Variants in TRIP11 observed in about 807,000 individuals in gnomAD.
The protein encoded by TRIP11 is thyroid hormone receptor interactor 11, also known as thyroid receptor-interacting protein 11.
A neutral mutation model predicts 223.1 loss-of-function variants in TRIP11; 148 were observed. That is an observed-to-expected ratio of 0.66 (90% CI 0.58 to 0.76). The LOEUF (loss-of-function observed/expected upper bound fraction) is 0.76, where lower values mean the gene tolerates loss of function less well. TRIP11 is among the 30% of genes least tolerant of loss of function. The probability of loss-of-function intolerance (pLI) is 0.00; values close to 1 mark genes in which losing one functional copy is unlikely to be tolerated. For synonymous variants in TRIP11, 762 were observed against 772.6 expected, an observed-to-expected ratio of 0.99 and a Z score of 0.23; for missense variants, 2,043 against 2,222.0, an observed-to-expected ratio of 0.92 and a Z score of 1.62.
At position 91,966,094 on chromosome 14, in the gene TRIP11, C is replaced by A. The variant is rs967217294; in HGVS notation, c.*3579G>T. The A allele has an allele frequency of 3.5e-5, 6 of 173,332 alleles. No individual in the cohort carries two copies. The highest frequency in any genetic ancestry group is 2.3e-3 in the Middle Eastern group (1 of 432). 10.7% of individuals were successfully genotyped at this position (173,332 alleles called of 1,614,324 possible). A position where few individuals can be genotyped will look rare whatever the true frequency, so the allele number is the denominator to read the frequency against. On this transcript the variant is annotated 3_prime_UTR_variant, in exon 21 of 21. Transcript: ENST00000267622. The stretch of plus-strand genomic sequence containing the variant: ...TGCCTTGCAGTGCTCCTGAGAAATT[C>A]AAAAATGCATTAACTTTAGCTCTAT...
chr14:92,038,471 C>T (rs1415711295), intron 1 of TRIP11, among the ~76,000 whole-genome samples: 4 of 152,108 alleles, frequency 2.6e-5, no homozygotes, highest in South Asian at 4.1e-4. Context: ...GCATGGGGAA[C>T]GTAAAGCGGT....
At position 92,015,791 on chromosome 14, in the gene TRIP11, T is replaced by A. The variant is rs778576488; in HGVS notation, c.728A>T (p.His243Leu). 1.9e-6 allele frequency: 3 copies of A among 1,613,634 alleles called. No homozygotes were observed. The East Asian group carries it at 6.7e-5, about 36-fold the overall frequency. Residue 243 changes from histidine (H) to leucine (L), a missense_variant, in exon 6 of 21, where the codon CAC becomes CTC. Coordinates refer to ENST00000267622, the MANE Select transcript of TRIP11 (RefSeq NM_004239.4). ...QHEMSVLQNA[H>L]QQKLTEISRR... ...ACTTATTTCTGTCAATTTCTGTTGG[T>A]GTGCATTCTGCAGTACTGACATTTC... is the stretch of plus-strand genomic sequence containing the variant.
intron 16 of TRIP11, chr14:91,977,372 T>C (rs2056479142): frequency 3.3e-6 from 1 of 304,894 alleles, no homozygotes; most frequent in Admixed American, 4.4e-5. Flanking sequence ...AAGCGTTTTA[T>C]AGTTTTAATT....
At chr14:92,035,617 G>A (rs565022686) in intron 1 of TRIP11, among the ~76,000 whole-genome samples, 6 of 146,136 alleles carry the variant, frequency 4.1e-5, no homozygotes, top group South Asian at 4.3e-4. Flanking sequence ...TCGCTCTGTC[G>A]CCCAGGCTGG....
At chr14:92,028,751 A>C (rs2057221592) in intron 2 of TRIP11, among the ~76,000 whole-genome samples, 1 of 152,024 alleles carries the variant, frequency 6.6e-6, no homozygotes, top group Admixed American at 6.6e-5. Context: ...AGAGAGACAG[A>C]CTCCTGATGG....
In TRIP11 at chr14:92,039,596, T is replaced by C. The variant is rs201201079; in HGVS notation, c.90A>G (p.Ile30Met). 6.2e-6 allele frequency: 10 copies of C among 1,613,846 alleles called. No individual in the cohort carries two copies. In the South Asian group the frequency reaches 9.9e-5, roughly 16 times the overall value. Residue 30 changes from isoleucine to methionine, a missense_variant, in exon 1 of 21, where the codon ATA becomes ATG. Ile to Met is a conservative substitution (Grantham distance 10). Coordinates refer to ENST00000267622, the MANE Select transcript of TRIP11 (RefSeq NM_004239.4). Reference protein sequence around the residue: ...GGSLASLTGQISNFTKDMLME... With the variant: ...GGSLASLTGQMSNFTKDMLME... The stretch of plus-strand genomic sequence containing the variant: ...TCAGCATATCCTTTGTAAAGTTTGA[T>C]ATCTGGCCAGTGAGGGAAGCCAGGC...
rs2056415632 is a variant in TRIP11, at chr14:91,972,804, G to A, written c.5632C>T (p.Pro1878Ser). Reference sequence around the variant, plus strand: ...ATATCATGAACAGAAAGCTTTGGTGGTGGAATGGATGGATGAGATTCTGTT... The same window carrying A: ...ATATCATGAACAGAAAGCTTTGGTGATGGAATGGATGGATGAGATTCTGTT... Reference protein sequence around the residue: ...LETESHPSIPPPKLSVHDMKP... With the variant: ...LETESHPSIPSPKLSVHDMKP... Residue 1878 changes from proline (P) to serine (S), a missense_variant, in exon 20 of 21, where the codon CCA becomes TCA. Physicochemically the swap from Pro to Ser is moderately conservative, Grantham distance 74. Coordinates refer to ENST00000267622, the MANE Select transcript of TRIP11 (RefSeq NM_004239.4). 6.2e-7 allele frequency: 1 copy of A among 1,613,188 alleles called. No individual in the cohort carries two copies. The highest frequency in any genetic ancestry group is 8.5e-7 in the Non-Finnish European group (1 of 1,179,570).
At chr14:91,993,677 C>T (rs2056710388) in intron 15 of TRIP11, 132 bp downstream of exon 15, 1 of 722,050 alleles carries the variant, frequency 1.4e-6, no homozygotes, top group South Asian at 1.7e-5. Flanking sequence ...TGTCAGGCTA[C>T]AGCAGAGGGC....
chr14:92,006,311 T>G lies in TRIP11; in HGVS notation c.1665A>C (p.Lys555Asn). Residue 555 changes from lysine (K) to asparagine (N), a missense_variant, in exon 11 of 21, where the codon AAA (lysine) becomes AAC (asparagine). Physicochemically the swap from Lys to Asn is moderately conservative, Grantham distance 94 (BLOSUM62 0). Coordinates refer to ENST00000267622, the MANE Select transcript of TRIP11 (RefSeq NM_004239.4). ...QLEDDKMDIT[K>N]ELDVQKEKLI... ...GCTTTTCTTTCTGTACATCTAACTCTTTAGTAATGTCCATTTTATCATCTT... is the reference window on the plus strand; with the variant it reads ...GCTTTTCTTTCTGTACATCTAACTCGTTAGTAATGTCCATTTTATCATCTT... The G allele has an allele frequency of 6.2e-7, 1 of 1,610,832 alleles. No individual in the cohort carries two copies. The highest frequency in any genetic ancestry group is 8.5e-7 in the Non-Finnish European group (1 of 1,178,776).
intron 20 of TRIP11, among the ~76,000 whole-genome samples, chr14:91,972,428 A>C (rs909783160): frequency 2.6e-5 from 4 of 152,258 alleles, no homozygotes; most frequent in Admixed American, 6.5e-5. Context: ...CAGAGGAATA[A>C]TTCATAGCTG....
chr14:91,969,489 A>C lies in TRIP11; in HGVS notation c.*184T>G, dbSNP rs184397874. 9 of 662,606 alleles carry C rather than the reference A, an allele frequency of 1.4e-5. No homozygotes were observed. The highest frequency in any genetic ancestry group is 4.7e-5 in the Admixed American group (2 of 42,878). The allele number at this position is 662,606 out of a possible 1,614,324, so 41.0% of individuals were successfully genotyped here. A position where few individuals can be genotyped will look rare whatever the true frequency, so the allele number is the denominator to read the frequency against. ...GAAGGAATAAAGCAGATTATATAGC[A>C]AACACTTGCTCCTGACACCTGCAGT... On this transcript the variant is annotated 3_prime_UTR_variant, in exon 21 of 21. Transcript: ENST00000267622.
Position 91,972,735 on chromosome 14 carries a change from C to T in TRIP11, c.5701G>A (p.Ala1901Thr), listed in dbSNP as rs1364336985. 1 of 1,610,110 alleles carries T rather than the reference C, an allele frequency of 6.2e-7. No individual in the cohort carries two copies. Among genetic ancestry groups the T allele is most frequent in the East Asian group, 2.2e-5 (1 of 44,712 alleles). ...SPGRRKRDTN[A>T]PESFKDTAES... ...GTTTTACCTTTAAAACTTTCTGGTGCATTTGTATCTCTTTTTCTTCTTCCT... is the reference window on the plus strand; with the variant it reads ...GTTTTACCTTTAAAACTTTCTGGTGTATTTGTATCTCTTTTTCTTCTTCCT... Residue 1901 changes from alanine to threonine, a missense_variant, in exon 20 of 21, where the codon GCA becomes ACA. Ala to Thr is a moderately conservative substitution (Grantham distance 58). Transcript: ENST00000267622.
chr14:92,015,797 T>A lies in TRIP11; in HGVS notation c.722A>T (p.Asn241Ile). Residue 241 changes from asparagine to isoleucine, a missense_variant, in exon 6 of 21, where the codon AAT becomes ATT. Transcript: ENST00000267622. ...DHQHEMSVLQNAHQQKLTEIS... is the reference protein window; with the variant it reads ...DHQHEMSVLQIAHQQKLTEIS... Reference sequence around the variant, plus strand: ...TTCTGTCAATTTCTGTTGGTGTGCATTCTGCAGTACTGACATTTCATGTTG... The same window carrying A: ...TTCTGTCAATTTCTGTTGGTGTGCAATCTGCAGTACTGACATTTCATGTTG... 1 of 1,613,560 alleles carries A rather than the reference T, an allele frequency of 6.2e-7. No individual in the cohort carries two copies. The highest frequency in any genetic ancestry group is 8.5e-7 in the Non-Finnish European group (1 of 1,179,896).
intron 7 of TRIP11, among the ~76,000 whole-genome samples, chr14:92,012,468 T>C (rs968798604): frequency 5.9e-5 from 9 of 152,184 alleles, no homozygotes; most frequent in Non-Finnish European, 4.4e-5. Context: ...AGCACAGGAT[T>C]ATAACATAGT....
chr14:91,990,040 G>A (rs1364437971), intron 15 of TRIP11, among the ~76,000 whole-genome samples: 1 of 152,048 alleles, frequency 6.6e-6, no homozygotes, highest in Non-Finnish European at 1.5e-5. Flanking sequence ...CTTATCCAGC[G>A]GCTGCAATCT....
intron 2 of TRIP11, among the ~76,000 whole-genome samples, chr14:92,027,931 C>T (rs1485273620): frequency 6.6e-6 from 1 of 152,144 alleles, no homozygotes; most frequent in African/African-American, 2.4e-5. Flanking sequence ...GGACTCTATC[C>T]CCAGAAATCT....
At chr14:92,025,193 C>A (rs995942689) in intron 3 of TRIP11, 117 bp downstream of exon 3, 3 of 772,018 alleles carry the variant, frequency 3.9e-6, no homozygotes, top group Non-Finnish European at 6.4e-6. Context: ...TCATTAAATT[C>A]ATCACCTTTT....
rs574839858 is a variant in TRIP11 at position 92,002,565 on chromosome 14, C to CT, written c.4557+853dup. On this transcript the variant is annotated intron_variant, in intron 11 of 20. Transcript: ENST00000267622. ...AGTCACTCTACCTGAATAACACATTCTTTTTTTTTTTTTCTTTTTCTTTTT... is the reference window on the plus strand; with the variant it reads ...AGTCACTCTACCTGAATAACACATTCTTTTTTTTTTTTTTCTTTTTCTTTTT... 2.2e-3 allele frequency among the ~76,000 whole-genome samples: 322 copies of CT among 143,776 alleles called. 2 individuals carry two copies. Among genetic ancestry groups the CT allele is most frequent in the African/African-American group, 5.1e-3 (199 of 39,386 alleles). 94.3% of individuals were successfully genotyped at this position (143,776 alleles called of 152,430 possible).
intron 16 of TRIP11, among the ~76,000 whole-genome samples, chr14:91,984,428 G>T (rs934783521): frequency 3.3e-5 from 5 of 149,848 alleles, no homozygotes; most frequent in Non-Finnish European, 5.9e-5. Flanking sequence ...CAATTCTTGT[G>T]GCTCAGCCTC....
Sources: gnomAD v4.1 joint callset for allele counts (sites outside exome capture counted in the v4.1 genomes callset) on GRCh38, gnomAD v4.1.1 for gene constraint, MANE v1.5 for transcripts, NCBI Gene and HGNC (gene_info 2026-07-23, HGNC 2026-07-21) for gene names.